WDR64: variants seen among roughly 807,000 people sequenced by gnomAD.
The protein encoded by WDR64 is WD repeat-containing protein 64.
A neutral mutation model predicts 139.3 loss-of-function variants in WDR64; 112 were observed. The observed-to-expected ratio is 0.80, with a 90% CI of 0.69 to 0.94. The LOEUF (loss-of-function observed/expected upper bound fraction) is 0.94, where lower values mean the gene tolerates loss of function less well. Among genes scored for constraint, WDR64 ranks in the 40% least tolerant of loss-of-function variants. The pLI, the probability that WDR64 is intolerant of heterozygous loss-of-function variation, is 0.00. For missense variants in WDR64, 1,206 were observed against 1,293.1 expected (o/e 0.93, Z 1.03); for synonymous variants, 444 against 437.7 (o/e 1.01, Z -0.18).
At chr1:241,763,002 G>T (rs540986327) in intron 15 of WDR64, among the ~76,000 whole-genome samples, 1 of 152,140 alleles carries the variant, frequency 6.6e-6, no homozygotes, top group East Asian at 1.9e-4. Flanking sequence ...TCATAATAAC[G>T]TTATCATGTA....
chr1:241,753,718 G>A (rs1574070379), intron 14 of WDR64, among the ~76,000 whole-genome samples: 1 of 151,866 alleles, frequency 6.6e-6, no homozygotes, highest in East Asian at 1.9e-4. Flanking sequence ...ACTCACGAAA[G>A]AAAACATAAA....
In WDR64 at chr1:241,707,975, G is replaced by A. The variant is rs146153279; in HGVS notation, c.975-3827G>A. Reference sequence around the variant, plus strand: ...TAAGTCAACTTTACCAGTCGGCCCTGTCCTGCTCCATCCACTTTATGGCAG... The same window carrying A: ...TAAGTCAACTTTACCAGTCGGCCCTATCCTGCTCCATCCACTTTATGGCAG... On this transcript the variant is annotated intron_variant, in intron 8 of 27. Transcript: ENST00000437684. Among the ~76,000 whole-genome samples the A allele has an allele frequency of 1.1e-4, 17 of 152,268 alleles. No individual in the cohort carries two copies. The East Asian group carries it at 3.3e-3, about 29-fold the overall frequency.
intron 9 of WDR64, among the ~76,000 whole-genome samples, chr1:241,719,717 C>A (rs1668533045): frequency 6.6e-6 from 1 of 152,122 alleles, no homozygotes; most frequent in Non-Finnish European, 1.5e-5. Flanking sequence ...TCAGGAAATA[C>A]ATCCTAATGG....
At chr1:241,784,735 C>T (rs1658970547) in intron 23 of WDR64, among the ~76,000 whole-genome samples, 2 of 151,872 alleles carry the variant, frequency 1.3e-5, no homozygotes, top group East Asian at 1.9e-4. Flanking sequence ...GCGGGTGGAT[C>T]ACGAGGTCAG....
intron 7 of WDR64, among the ~76,000 whole-genome samples, chr1:241,685,521 A>G (rs1001446954): frequency 1.3e-5 from 2 of 152,128 alleles, no homozygotes; most frequent in Non-Finnish European, 2.9e-5. Context: ...GACTTCAAAG[A>G]GGTGATTTTT....
At position 241,796,501 on chromosome 1, in the gene WDR64, T is replaced by C. The variant is rs1659369119; in HGVS notation, c.3192+131T>C. On this transcript the variant is annotated intron_variant, in intron 27 of 27. Coordinates refer to ENST00000437684, the MANE Select transcript of WDR64 (RefSeq NM_001367482.1). ...ATCATTTCAGTTCATACTTTTTTTT[T>C]TTTTTCTTGAGGCGGAGTTTCCCTC... The C allele has an allele frequency of 7.3e-6, 5 of 686,136 alleles. No homozygotes were observed. In the South Asian group the frequency reaches 1.1e-4, roughly 16 times the overall value. 42.5% of individuals were successfully genotyped at this position (686,136 alleles called of 1,614,324 possible).
chr1:241,744,269 G>A (rs888212212), intron 12 of WDR64, 124 bp from the exon 13 acceptor site: 23 of 1,170,442 alleles, frequency 2.0e-5, no homozygotes, highest in Middle Eastern at 2.5e-4. Flanking sequence ...AGGGCAGAGC[G>A]CTAGGAAATG....
At chr1:241,786,525 G>C (rs184829798) in intron 23 of WDR64, among the ~76,000 whole-genome samples, 137 of 152,334 alleles carry the variant, frequency 9.0e-4, no homozygotes, top group African/African-American at 3.2e-3. Context: ...AGTGAAACAA[G>C]GCATATGGAT....
intron 8 of WDR64, among the ~76,000 whole-genome samples, chr1:241,688,152 T>C (rs1430578276): frequency 6.6e-6 from 1 of 152,192 alleles, no homozygotes; most frequent in Non-Finnish European, 1.5e-5. Context: ...ATCAAAAACA[T>C]TAAGCTGAAT....
At chr1:241,765,902 C>T (rs74517543) in intron 15 of WDR64, among the ~76,000 whole-genome samples, 3,632 of 151,932 alleles carry the variant, frequency 0.024, 153 homozygotes, top group African/African-American at 0.083. Flanking sequence ...AAACGACGAA[C>T]GTAGAATATT....
intron 21 of WDR64, among the ~76,000 whole-genome samples, chr1:241,779,536 T>G (rs1370491184): frequency 6.6e-6 from 1 of 152,086 alleles, no homozygotes; most frequent in Non-Finnish European, 1.5e-5. Context: ...CACATAAAAA[T>G]GAATATGGGC....
chr1:241,703,208 GC>G lies in WDR64; in HGVS notation c.975-8591del, dbSNP rs1667795591. ...ATCGAGGGACTCTGCTGACTCAGTA[GC>G]CCTGCTTCTTTAGCAATCACACAGT... On this transcript the variant is annotated intron_variant, in intron 8 of 27. Coordinates refer to ENST00000437684, the MANE Select transcript of WDR64 (RefSeq NM_001367482.1). This position sits in a 1 kb window ranked among gnomAD's most constrained non-coding sequence, Gnocchi z 5.9. Among the ~76,000 whole-genome samples, 1 of 152,110 alleles carries G rather than the reference GC, an allele frequency of 6.6e-6. No homozygotes were observed. The highest frequency in any genetic ancestry group is 1.5e-5 in the Non-Finnish European group (1 of 68,026).
At chr1:241,769,076 GGGCAACA>G (rs1658308106) in intron 16 of WDR64, among the ~76,000 whole-genome samples, 1 of 152,098 alleles carries the variant, frequency 6.6e-6, no homozygotes, top group Non-Finnish European at 1.5e-5. Context: ...AGACCAGTCT[GGGCAACA>G]TAGTTGGCCC....
At chr1:241,795,180 T>C in intron 25 of WDR64, 27 bp from the exon 26 acceptor site, 1 of 1,606,272 alleles carries the variant, frequency 6.2e-7, no homozygotes, top group Non-Finnish European at 8.5e-7. Context: ...GCCCCTTTCA[T>C]TAAACATTCA....
Position 241,723,185 on chromosome 1 carries a change from C to T in WDR64, c.1055-112C>T, listed in dbSNP as rs556583672. 1.6e-4 allele frequency: 214 copies of T among 1,361,600 alleles called. 2 individuals are homozygous for T. In the South Asian group the frequency reaches 1.7e-3, roughly 11 times the overall value. The allele number at this position is 1,361,600 out of a possible 1,614,324, so 84.3% of individuals were successfully genotyped here. ...ACAGAATAATGCATCCTGCCAGAAA[C>T]GGACTGTGATTTGCTGTTCGAAGAA... On this transcript the variant is annotated intron_variant, in intron 9 of 27. Coordinates refer to ENST00000437684, the MANE Select transcript of WDR64 (RefSeq NM_001367482.1).
At chr1:241,655,840 C>T (rs1665573339) in intron 1 of WDR64, among the ~76,000 whole-genome samples, 2 of 152,006 alleles carry the variant, frequency 1.3e-5, no homozygotes. Context: ...TTATTGCCAT[C>T]TCGGGGAATT....
At position 241,768,476 on chromosome 1, in the gene WDR64, C is replaced by A. The variant is rs564086285; in HGVS notation, c.2082-928C>A. 4.6e-5 allele frequency among the ~76,000 whole-genome samples: 7 copies of A among 152,306 alleles called. No homozygotes were observed. In the South Asian group the frequency reaches 1.2e-3, roughly 27 times the overall value. On this transcript the variant is annotated intron_variant, in intron 16 of 27. Transcript: ENST00000437684. ...TTCTCTTCCCACTCTAAGCCTCAGG[C>A]TTTTTGAGCCCAGACTTAATATTAT...
At chr1:241,687,851 C>T (rs1338174095) in intron 8 of WDR64, among the ~76,000 whole-genome samples, 2 of 152,112 alleles carry the variant, frequency 1.3e-5, no homozygotes, top group South Asian at 2.1e-4. Context: ...TTAATCAATA[C>T]GAGTGCATCT....
At chr1:241,725,188 A>G (rs2148204496) in intron 10 of WDR64, among the ~76,000 whole-genome samples, 1 of 152,322 alleles carries the variant, frequency 6.6e-6, no homozygotes, top group African/African-American at 2.4e-5. Flanking sequence ...CTGGGTGGAA[A>G]TAAAACTGGC....
Sources: allele counts gnomAD v4.1 joint callset (sites outside exome capture counted in the v4.1 genomes callset), GRCh38; gene constraint gnomAD v4.1.1; non-coding constraint Gnocchi (gnomAD v3.1); transcripts MANE v1.5; gene names NCBI Gene and HGNC (gene_info 2026-07-23, HGNC 2026-07-21).